DPH7: variants seen among roughly 807,000 people sequenced by gnomAD.
DPH7 encodes diphthamide biosynthesis 7, also known as diphthine methyltransferase.
In DPH7, 44 loss-of-function variants were observed where a neutral mutation model predicts 41.7. The observed-to-expected ratio is 1.05, with a 90% CI of 0.83 to 1.36. The LOEUF is 1.36. Ranked by LOEUF, DPH7 falls within the 40% of genes most tolerant of loss-of-function variation. DPH7 has a pLI of 0.00. For missense variants in DPH7, 629 were observed against 577.5 expected (o/e 1.09, Z -0.91); for synonymous variants, 275 against 238.0 (o/e 1.16, Z -1.43).
chr9:137,560,493 G>A (rs569954848), intron 8 of DPH7, among the ~76,000 whole-genome samples: 1 of 152,238 alleles, frequency 6.6e-6, no homozygotes, highest in African/African-American at 2.4e-5. Context: ...GGCCGAGGCA[G>A]GCAGATCACA....
chr9:137,578,644 G>C lies in DPH7; in HGVS notation c.134C>G (p.Pro45Arg). The change falls in exon 1 of 9, where the codon CCT becomes CGT. Residue 45 changes from proline (P) to arginine (R), a missense_variant. Coordinates refer to ENST00000277540, the MANE Select transcript of DPH7 (RefSeq NM_138778.5). ...GCGCACCTTGTTCTGGGGGCCGGCA[G>C]GCCGGTCCTCCGGCCGCCGCAGCTG... ...TYQLRRPEDR[P>R]AGPQNKGGME... 6.6e-7 allele frequency: 1 copy of C among 1,514,082 alleles called. No individual in the cohort carries two copies. Among genetic ancestry groups the C allele is most frequent in the Non-Finnish European group, 8.8e-7 (1 of 1,135,346 alleles). 93.8% of individuals were successfully genotyped at this position (1,514,082 alleles called of 1,614,324 possible). A position where few individuals can be genotyped will look rare whatever the true frequency, so the allele number is the denominator to read the frequency against.
Position 137,576,145 on chromosome 9 carries a change from G to T in DPH7, c.310C>A (p.His104Asn), listed in dbSNP as rs147660025. The T allele has an allele frequency of 2.4e-4, 384 of 1,613,816 alleles. No homozygotes were observed. In the African/African-American group the frequency reaches 4.8e-3, roughly 20 times the overall value. ...GCATCTGCCAAGCCCAAGAGGGCAT[G>T]TCCAGCCACCGGGATGTGACACCTG... is the stretch of plus-strand genomic sequence containing the variant. ...MKWCHIPVAG[H>N]ALLGLADASG... Residue 104 changes from histidine to asparagine, a missense_variant, in exon 3 of 9, where the codon CAT (histidine) becomes AAT (asparagine). By Grantham distance (68) the His-to-Asn change is moderately conservative. Coordinates refer to ENST00000277540, the MANE Select transcript of DPH7 (RefSeq NM_138778.5).
chr9:137,555,110 A>C lies in DPH7; in HGVS notation c.*129T>G, dbSNP rs1837228713. The stretch of plus-strand genomic sequence containing the variant: ...AGAAGTCAACAGCTTTTCTGACTAC[A>C]CTGTGGATTCCATCAGTGCACAGGC... On this transcript the variant is annotated 3_prime_UTR_variant, in exon 9 of 9. Transcript: ENST00000277540. 1 of 1,194,860 alleles carries C rather than the reference A, an allele frequency of 8.4e-7. No homozygotes were observed. Among genetic ancestry groups the C allele is most frequent in the Non-Finnish European group, 1.1e-6 (1 of 881,714 alleles). The allele number at this position is 1,194,860 out of a possible 1,614,324, so 74.0% of individuals were successfully genotyped here. A position where few individuals can be genotyped will look rare whatever the true frequency, so the allele number is the denominator to read the frequency against.
intron 8 of DPH7, among the ~76,000 whole-genome samples, chr9:137,559,737 G>A (rs991501466): frequency 1.3e-5 from 2 of 152,172 alleles, no homozygotes; most frequent in Non-Finnish European, 2.9e-5. Context: ...CAGTGGACAC[G>A]TGACCCACGT....
intron 8 of DPH7, among the ~76,000 whole-genome samples, chr9:137,562,129 A>G (rs955842421): frequency 3.3e-5 from 5 of 152,124 alleles, no homozygotes; most frequent in Non-Finnish European, 4.4e-5. Flanking sequence ...CTCCCAAAGT[A>G]CTGGGATTAC....
chr9:137,575,247 T>A, intron 3 of DPH7: 1 of 997,992 alleles, frequency 1.0e-6, no homozygotes, highest in Non-Finnish European at 1.2e-6. Context: ...ACAGAGACAA[T>A]GGGGAAACTC....
chr9:137,559,731 G>A (rs1838179334), intron 8 of DPH7, among the ~76,000 whole-genome samples: 1 of 152,228 alleles, frequency 6.6e-6, no homozygotes. Context: ...CCTGTCCAGT[G>A]GACACGTGAC....
intron 1 of DPH7, 79 bp downstream of exon 1, chr9:137,578,546 C>T (rs1424659088): frequency 7.3e-7 from 1 of 1,371,664 alleles, no homozygotes; most frequent in East Asian, 3.0e-5. Context: ...TCTTCATCTC[C>T]TGGGCGATTC....
intron 8 of DPH7, among the ~76,000 whole-genome samples, chr9:137,561,224 C>T (rs910075527): frequency 6.6e-6 from 1 of 152,012 alleles, no homozygotes; most frequent in Non-Finnish European, 1.5e-5. Context: ...GGGCAAACAC[C>T]ACCTTAACAA....
chr9:137,565,040 G>A (rs370069135), intron 6 of DPH7, 45 bp downstream of exon 6: 74 of 1,612,626 alleles, frequency 4.6e-5, no homozygotes, highest in Non-Finnish European at 6.0e-5. Context: ...CCCAGGGAAC[G>A]CGGGGGCTGG....
chr9:137,572,091 G>A (rs1392328185), intron 5 of DPH7, among the ~76,000 whole-genome samples: 4 of 152,152 alleles, frequency 2.6e-5, no homozygotes, highest in Admixed American at 6.6e-5. Flanking sequence ...ACACGTGCTC[G>A]TCACTCGGAC....
chr9:137,559,890 T>C (rs1838217052), intron 8 of DPH7, among the ~76,000 whole-genome samples: 1 of 152,168 alleles, frequency 6.6e-6, no homozygotes, highest in African/African-American at 2.4e-5. Context: ...GGCCCAGCTG[T>C]CTTTTCTTTT....
Position 137,574,689 on chromosome 9 carries a change from C to T in DPH7, c.467+63G>A, listed in dbSNP as rs915180621. Reference sequence around the variant, plus strand: ...GCTGAAGGTGGCTGGAGCCCTCTAGCCTGAAAAGTGGAAGTGGTTCTCAGA... The same window carrying T: ...GCTGAAGGTGGCTGGAGCCCTCTAGTCTGAAAAGTGGAAGTGGTTCTCAGA... On this transcript the variant is annotated intron_variant, in intron 4 of 8. Coordinates refer to ENST00000277540, the MANE Select transcript of DPH7 (RefSeq NM_138778.5). 11 of 1,526,410 alleles carry T rather than the reference C, an allele frequency of 7.2e-6. No individual in the cohort carries two copies. The African/African-American group carries it at 1.5e-4, about 21-fold the overall frequency. 94.6% of individuals were successfully genotyped at this position (1,526,410 alleles called of 1,614,324 possible). A position where few individuals can be genotyped will look rare whatever the true frequency, so the allele number is the denominator to read the frequency against.
At chr9:137,576,028 C>T in intron 3 of DPH7, 52 bp downstream of exon 3, 3 of 1,610,422 alleles carry the variant, frequency 1.9e-6, no homozygotes, top group Admixed American at 3.3e-5. Context: ...TCCTCCCCAA[C>T]CCTCTCTATT....
chr9:137,574,955 A>G, intron 3 of DPH7, 112 bp from the exon 4 acceptor site: 2 of 1,531,632 alleles, frequency 1.3e-6, no homozygotes, highest in Non-Finnish European at 1.8e-6. Context: ...ACCTATGCGA[A>G]TGAAGTACAT....
chr9:137,574,718 A>G, intron 4 of DPH7, 34 bp downstream of exon 4: 1 of 1,599,634 alleles, frequency 6.3e-7, no homozygotes, highest in Admixed American at 1.7e-5. Flanking sequence ...TCTCAGAGAA[A>G]GACTCAGGAC....
intron 7 of DPH7, 33 bp downstream of exon 7, chr9:137,564,860 C>T (rs781095270): frequency 2.0e-5 from 31 of 1,574,268 alleles, no homozygotes; most frequent in African/African-American, 6.8e-5. Context: ...GCGAAAGAGA[C>T]GAGAAGGGCC....
At chr9:137,575,475 G>A in intron 3 of DPH7, 2 of 988,980 alleles carry the variant, frequency 2.0e-6, no homozygotes, top group Non-Finnish European at 2.4e-6. Context: ...TTCTAAGACA[G>A]GGCAACTGCT....
At chr9:137,561,766 T>C (rs1442702966) in intron 8 of DPH7, among the ~76,000 whole-genome samples, 1 of 152,138 alleles carries the variant, frequency 6.6e-6, no homozygotes, top group African/African-American at 2.4e-5. Flanking sequence ...ATTATAAACA[T>C]ATATAAAAGA....
Sources: allele counts gnomAD v4.1 joint callset (sites outside exome capture counted in the v4.1 genomes callset), GRCh38; gene constraint gnomAD v4.1.1; transcripts MANE v1.5; gene names NCBI Gene and HGNC (gene_info 2026-07-23, HGNC 2026-07-21).